The following NHS variants were observed in gnomAD, a reference collection of about 807,000 sequenced individuals.
The protein encoded by NHS is actin remodeling regulator NHS.
In NHS, 5 loss-of-function variants were observed where a neutral mutation model predicts 72.5. The ratio of observed to expected loss-of-function variants is 0.07; its 90% confidence interval spans 0.04 to 0.14. NHS has a LOEUF of 0.14. NHS is among the 10% of genes least tolerant of loss of function. The probability of loss-of-function intolerance (pLI) is 1.00; values close to 1 mark genes in which losing one functional copy is unlikely to be tolerated. For synonymous variants in NHS, 464 were observed against 547.7 expected, an observed-to-expected ratio of 0.85 and a Z score of 2.13; for missense variants, 1,072 against 1,355.7, an observed-to-expected ratio of 0.79 and a Z score of 3.29.
intron 1 of NHS, among the ~76,000 whole-genome samples, chrX:17,566,380 T>A (rs984430593): frequency 1.8e-5 from 2 of 111,705 alleles, no homozygotes; most frequent in East Asian, 5.6e-4. Flanking sequence ...TACTTAGCAT[T>A]CTCACTGTAG....
intron 1 of NHS, among the ~76,000 whole-genome samples, chrX:17,585,761 A>AATT (rs1305636497): frequency 8.3e-5 from 9 of 109,032 alleles, no homozygotes; most frequent in Non-Finnish European, 1.7e-4. Flanking sequence ...TAATAATAAT[A>AATT]ATAATAACTC....
At chrX:17,719,003 GGAA>G (rs1207646665) in intron 3 of NHS, among the ~76,000 whole-genome samples, 2 of 93,637 alleles carry the variant, frequency 2.1e-5, no homozygotes, top group African/African-American at 8.1e-5. Flanking sequence ...AAGAAGGAAT[GGAA>G]GAAGAAAGGA....
intron 1 of NHS, among the ~76,000 whole-genome samples, chrX:17,574,507 C>T (rs767436450): frequency 8.9e-6 from 1 of 112,454 alleles, no homozygotes; most frequent in East Asian, 2.8e-4. Context: ...CCCACCGAGC[C>T]AGACAGGAAG....
intron 3 of NHS, among the ~76,000 whole-genome samples, chrX:17,700,774 G>C (rs951133264): frequency 4.5e-5 from 5 of 111,808 alleles, no homozygotes; most frequent in African/African-American, 1.6e-4. Flanking sequence ...CCTATACATA[G>C]AAGAGTGATG....
At chrX:17,472,470 C>A (rs1287423144) in intron 1 of NHS, among the ~76,000 whole-genome samples, 1 of 111,776 alleles carries the variant, frequency 8.9e-6, no homozygotes, top group Non-Finnish European at 1.9e-5. Flanking sequence ...ACCATTAGAT[C>A]CACAGTGAGA....
At chrX:17,492,653 C>T (rs781266727) in intron 1 of NHS, among the ~76,000 whole-genome samples, 2 of 112,135 alleles carry the variant, frequency 1.8e-5, no homozygotes, top group Non-Finnish European at 3.8e-5. Context: ...ATGAGGTCTA[C>T]TTGGTCCAGA....
At chrX:17,729,154 T>C (rs1179541486) in intron 8 of NHS, among the ~76,000 whole-genome samples, 2 of 111,607 alleles carry the variant, frequency 1.8e-5, no homozygotes, top group South Asian at 3.7e-4. Flanking sequence ...CTAAAAAATA[T>C]GATCAAAGCT....
rs760092654 is a variant in NHS at position 17,731,930 on chromosome X, C to A, written c.4422C>A (p.Leu1474=). ...TTCGAAGCAAATCGAGAGCTCCCCT[C>A]AGCAGTAGCAGCAGCAGCGCCAGTT... ...MSVRSKSRAP[L]SSSSSSASSI... is the part of the protein sequence containing the mutation. The change falls in exon 9 of 9, where the codon CTC becomes CTA. Residue 1474 remains leucine, a synonymous_variant. Coordinates refer to ENST00000676302, the MANE Select transcript of NHS (RefSeq NM_001291867.2). 68 of 1,209,505 alleles carry A rather than the reference C, an allele frequency of 5.6e-5. No homozygotes were observed. Among genetic ancestry groups the A allele is most frequent in the Non-Finnish European group, 1.0e-5 (9 of 895,024 alleles).
At chrX:17,541,167 G>T (rs959063683) in intron 1 of NHS, among the ~76,000 whole-genome samples, 1 of 112,265 alleles carries the variant, frequency 8.9e-6, no homozygotes, top group Non-Finnish European at 1.9e-5. Context: ...ACAATGCCAT[G>T]TGATAGACAC....
chrX:17,615,094 A>G (rs953701990), intron 1 of NHS, among the ~76,000 whole-genome samples: 13 of 97,325 alleles, frequency 1.3e-4, no homozygotes, highest in South Asian at 4.7e-4. Flanking sequence ...ATATGTGTGT[A>G]TATATATATG....
At chrX:17,445,970 G>A (rs911642145) in intron 1 of NHS, among the ~76,000 whole-genome samples, 1 of 110,541 alleles carries the variant, frequency 9.0e-6, no homozygotes. Context: ...CCAATTCTTA[G>A]TCTTTTAATA....
At chrX:17,615,129 C>CGT (rs1399152938) in intron 1 of NHS, among the ~76,000 whole-genome samples, 66 of 91,603 alleles carry the variant, frequency 7.2e-4, no homozygotes, top group African/African-American at 2.5e-3. Flanking sequence ...CACACATATA[C>CGT]ATATGTGTGT....
chrX:17,678,273 T>G lies in NHS; in HGVS notation c.566-9469T>G, dbSNP rs539438901. Among the ~76,000 whole-genome samples, 13 of 102,595 alleles carry G rather than the reference T, an allele frequency of 1.3e-4. No homozygotes were observed. In the South Asian group the frequency reaches 1.7e-3, roughly 13 times the overall value. The allele number at this position is 102,595 out of a possible 115,157, so 89.1% of individuals were successfully genotyped here. On this transcript the variant is annotated intron_variant, in intron 1 of 8. Transcript: ENST00000676302. Reference sequence around the variant, plus strand: ...TTAGACTTTTTTGAATGACTGTGGGTGTGTGTGTGTGTGTGTGTGTGAGAG... The same window carrying G: ...TTAGACTTTTTTGAATGACTGTGGGGGTGTGTGTGTGTGTGTGTGTGAGAG...
intron 1 of NHS, among the ~76,000 whole-genome samples, chrX:17,532,654 C>T (rs1021028040): frequency 1.8e-5 from 2 of 111,680 alleles, no homozygotes; most frequent in African/African-American, 6.5e-5. Context: ...AGTGAAAATG[C>T]CAACATTATT....
intron 1 of NHS, among the ~76,000 whole-genome samples, chrX:17,655,743 C>T (rs773151661): frequency 8.9e-6 from 1 of 112,802 alleles, no homozygotes; most frequent in Non-Finnish European, 1.9e-5. Flanking sequence ...GGCTACGTCC[C>T]GCCCAGGTCT....
chrX:17,644,229 G>A (rs2065895510), intron 1 of NHS, among the ~76,000 whole-genome samples: 2 of 111,583 alleles, frequency 1.8e-5, no homozygotes, highest in South Asian at 7.6e-4. Flanking sequence ...GAGAACTCTT[G>A]GATTCAATAT....
At chrX:17,383,644 C>T (rs2064390753) in intron 1 of NHS, among the ~76,000 whole-genome samples, 1 of 112,177 alleles carries the variant, frequency 8.9e-6, no homozygotes, top group African/African-American at 3.2e-5. Flanking sequence ...CTCAAGAGAA[C>T]TTACTCACTG....
chrX:17,539,395 T>C (rs2065251544), intron 1 of NHS, among the ~76,000 whole-genome samples: 1 of 109,966 alleles, frequency 9.1e-6, no homozygotes, highest in Non-Finnish European at 1.9e-5. Flanking sequence ...ACACCATGTA[T>C]CTGCTTCTCT....
At chrX:17,630,851 G>A (rs1314575909) in intron 1 of NHS, among the ~76,000 whole-genome samples, 1 of 111,688 alleles carries the variant, frequency 9.0e-6, no homozygotes, top group Non-Finnish European at 1.9e-5. Flanking sequence ...AGAATCACCT[G>A]GGCAGCTTTA....
Sources: allele counts gnomAD v4.1 joint callset (sites outside exome capture counted in the v4.1 genomes callset), GRCh38; gene constraint gnomAD v4.1.1; transcripts MANE v1.5; gene names NCBI Gene and HGNC (gene_info 2026-07-23, HGNC 2026-07-21).